The following LPO variants were observed in gnomAD, a reference collection of about 807,000 sequenced individuals.
LPO encodes lactoperoxidase.
LPO carries 70 observed loss-of-function variants against 68.4 expected under a neutral mutation model. The ratio of observed to expected loss-of-function variants is 1.02; its 90% CI spans 0.84 to 1.25. The LOEUF (loss-of-function observed/expected upper bound fraction) is 1.25, where lower values mean the gene tolerates loss of function less well. Among genes scored for constraint, LPO ranks in the 50% most tolerant of loss-of-function variants. The probability of loss-of-function intolerance (pLI) is 0.00; values close to 1 mark genes in which losing one functional copy is unlikely to be tolerated. For missense variants in LPO, 873 were observed against 908.4 expected, an observed-to-expected ratio of 0.96 and a Z score of 0.50; for synonymous variants, 360 against 357.6, an observed-to-expected ratio of 1.01 and a Z score of -0.08.
In LPO at chr17:58,247,523, C is replaced by G. The variant is rs796243662; in HGVS notation, c.210C>G (p.Leu70=). The stretch of plus-strand genomic sequence containing the variant: ...CTGAGACTCCCACCAGCCGACAGCT[C>G]TCAGAATACCTCAAGCATGCCAAAG... ...MSSETPTSRQ[L]SEYLKHAKGR... Residue 70 remains leucine, a synonymous_variant, in exon 4 of 13, where the codon CTC becomes CTG. Coordinates refer to ENST00000262290, the MANE Select transcript of LPO (RefSeq NM_006151.3). 2 of 1,614,112 alleles carry G rather than the reference C, an allele frequency of 1.2e-6. No individual in the cohort carries two copies. The highest frequency in any genetic ancestry group is 1.3e-5 in the African/African-American group (1 of 75,014).
intron 7 of LPO, chr17:58,251,449 G>C (rs1969957759): frequency 5.5e-6 from 1 of 183,050 alleles, no homozygotes; most frequent in South Asian, 1.2e-4. Flanking sequence ...CCACTCAGAA[G>C]GACTTGAAAC....
chr17:58,246,616 G>C (rs1346375609), intron 3 of LPO, among the ~76,000 whole-genome samples: 1 of 152,208 alleles, frequency 6.6e-6, no homozygotes, highest in Non-Finnish European at 1.5e-5. Context: ...AACCTTGGAT[G>C]GGACCTTACA....
At chr17:58,256,728 C>G (rs536922818) in intron 9 of LPO, among the ~76,000 whole-genome samples, 1 of 151,134 alleles carries the variant, frequency 6.6e-6, no homozygotes, top group Non-Finnish European at 1.5e-5. Context: ...GCAGGAGAAT[C>G]GCTTGAACCC....
intron 1 of LPO, 113 bp from the exon 2 acceptor site, chr17:58,242,865 G>C (rs1210910161): frequency 1.2e-6 from 1 of 815,152 alleles, no homozygotes; most frequent in Non-Finnish European, 2.1e-6. Context: ...CTCCTTTCCT[G>C]TTCCAATATT....
chr17:58,241,870 G>T (rs1472516247), intron 1 of LPO, among the ~76,000 whole-genome samples: 1 of 152,210 alleles, frequency 6.6e-6, no homozygotes, highest in Non-Finnish European at 1.5e-5. Flanking sequence ...TCCAAAGGGA[G>T]ATGATTTGGA....
intron 11 of LPO, among the ~76,000 whole-genome samples, 197 bp downstream of exon 11, chr17:58,266,523 C>T (rs1043879389): frequency 3.3e-5 from 5 of 151,844 alleles, no homozygotes; most frequent in African/African-American, 9.7e-5. Context: ...TACAGCGGTG[C>T]GATCACAGCT....
intron 9 of LPO, among the ~76,000 whole-genome samples, chr17:58,259,932 C>T (rs775471419): frequency 1.3e-5 from 2 of 152,214 alleles, no homozygotes; most frequent in Non-Finnish European, 2.9e-5. Flanking sequence ...TCTCCTGCCT[C>T]AGTCTCCTGA....
chr17:58,264,943 C>A lies in LPO; in HGVS notation c.1488C>A (p.Leu496=). 3 of 1,614,220 alleles carry A rather than the reference C, an allele frequency of 1.9e-6. No individual in the cohort carries two copies. Among genetic ancestry groups the A allele is most frequent in the Non-Finnish European group, 2.5e-6 (3 of 1,180,038 alleles). ...GPEPELPLHT[L]FFNTWRMVKD... is the part of the protein sequence containing the mutation. ...AACCAGAACTCCCCCTCCACACCCT[C>A]TTCTTCAACACTTGGAGGATGGTCA... The change falls in exon 10 of 13, where the codon CTC becomes CTA. Residue 496 remains leucine, a synonymous_variant. Coordinates refer to ENST00000262290, the MANE Select transcript of LPO (RefSeq NM_006151.3).
intron 11 of LPO, 142 bp from the exon 12 acceptor site, chr17:58,267,207 A>G (rs1598035379): frequency 1.6e-6 from 1 of 623,820 alleles, no homozygotes; most frequent in Non-Finnish European, 2.8e-6. Context: ...CAGATAAAAA[A>G]CAATGGATTC....
rs775196254 is a variant in LPO, at chr17:58,247,533, C to T, written c.220C>T (p.Leu74Phe). The T allele has an allele frequency of 1.2e-6, 2 of 1,614,140 alleles. No individual in the cohort carries two copies. Among genetic ancestry groups the T allele is most frequent in the Non-Finnish European group, 1.7e-6 (2 of 1,180,026 alleles). The change falls in exon 4 of 13, where the codon CTC becomes TTC. Residue 74 changes from leucine (L) to phenylalanine (F), a missense_variant. Coordinates refer to ENST00000262290, the MANE Select transcript of LPO (RefSeq NM_006151.3). ...TPTSRQLSEY[L>F]KHAKGRTRTA... is the part of the protein sequence containing the mutation. ...CACCAGCCGACAGCTCTCAGAATAC[C>T]TCAAGCATGCCAAAGGCCGGACGCG...
intron 12 of LPO, 93 bp downstream of exon 12, chr17:58,267,679 G>T: frequency 6.9e-7 from 1 of 1,455,912 alleles, no homozygotes; most frequent in Non-Finnish European, 9.5e-7. Context: ...CCGGATCTCA[G>T]TGTGAGTAGG....
At chr17:58,259,900 CA>C (rs2143933182) in intron 9 of LPO, among the ~76,000 whole-genome samples, 1 of 152,256 alleles carries the variant, frequency 6.6e-6, no homozygotes, top group East Asian at 1.9e-4. Flanking sequence ...CGGCTCACTG[CA>C]ACCTCCCGGG....
At chr17:58,254,597 T>A (rs1970032649) in intron 8 of LPO, 1 of 474,346 alleles carries the variant, frequency 2.1e-6, no homozygotes, top group South Asian at 3.2e-5. Context: ...TTGTCCAAGG[T>A]CACACAGCTA....
intron 12 of LPO, 32 bp downstream of exon 12, chr17:58,267,618 C>A (rs1468145558): frequency 6.4e-7 from 1 of 1,567,680 alleles, no homozygotes; most frequent in Non-Finnish European, 8.7e-7. Flanking sequence ...GAGGGAAGGG[C>A]AGGGCCCTTC....
rs376806925 is a variant in LPO at position 58,249,073 on chromosome 17, C to T, written c.339C>T (p.Asp113=). ...CTTCTGTTTCAGATCCCAGCCTGGA[C>T]TTGACTTCACTGTCTCTGGAGGTGG... ...SLTNVTDPSL[D]LTSLSLEVGC... is the part of the protein sequence containing the mutation. Residue 113 remains aspartate (D), a synonymous_variant, in exon 5 of 13, where the codon GAC becomes GAT. Transcript: ENST00000262290. 3.7e-6 allele frequency: 6 copies of T among 1,614,050 alleles called. No homozygotes were observed. Among genetic ancestry groups the T allele is most frequent in the Non-Finnish European group, 4.2e-6 (5 of 1,179,994 alleles).
intron 11 of LPO, among the ~76,000 whole-genome samples, chr17:58,266,777 C>T (rs1180789647): frequency 6.6e-6 from 1 of 152,208 alleles, no homozygotes; most frequent in East Asian, 1.9e-4. Context: ...TTAAAACCCA[C>T]TTTGTTCATC....
At chr17:58,264,996 C>A in intron 10 of LPO, 22 bp downstream of exon 10, 1 of 1,611,882 alleles carries the variant, frequency 6.2e-7, no homozygotes, top group Non-Finnish European at 8.5e-7. Context: ...CAGGGAAGTG[C>A]TGTCACCTGG....
intron 4 of LPO, among the ~76,000 whole-genome samples, 173 bp from the exon 5 acceptor site, chr17:58,248,887 G>T (rs1482520802): frequency 6.6e-6 from 1 of 152,162 alleles, no homozygotes; most frequent in African/African-American, 2.4e-5. Context: ...GGAATAAAAT[G>T]TATTACCTTA....
At chr17:58,259,294 A>C (rs1185441837) in intron 9 of LPO, among the ~76,000 whole-genome samples, 2 of 152,118 alleles carry the variant, frequency 1.3e-5, no homozygotes, top group East Asian at 1.9e-4. Context: ...ATGCTTTTTT[A>C]AATTTTTTCT....
Sources: allele counts gnomAD v4.1 joint callset (sites outside exome capture counted in the v4.1 genomes callset), GRCh38; gene constraint gnomAD v4.1.1; transcripts MANE v1.5; gene names NCBI Gene and HGNC (gene_info 2026-07-23, HGNC 2026-07-21).